Variants in WDFY3 observed in about 807,000 individuals in gnomAD.
WDFY3 encodes WD repeat and FYVE domain-containing protein 3.
Under a neutral mutation model 409.6 loss-of-function variants are expected in WDFY3, and 66 were observed. That is an observed-to-expected ratio of 0.16 (90% CI 0.13 to 0.20). The LOEUF (loss-of-function observed/expected upper bound fraction) is 0.20. Among genes scored for constraint, WDFY3 ranks in the 10% least tolerant of loss-of-function variants. The pLI, the probability that WDFY3 is intolerant of heterozygous loss-of-function variation, is 1.00. For missense variants in WDFY3, 3,031 were observed against 4,298.1 expected (o/e 0.71, Z 8.24); for synonymous variants, 1,521 against 1,537.1 (o/e 0.99, Z 0.25).
At chr4:84,835,458 A>G (rs928580275) in intron 7 of WDFY3, among the ~76,000 whole-genome samples, 2 of 152,206 alleles carry the variant, frequency 1.3e-5, no homozygotes, top group African/African-American at 4.8e-5. Context: ...ATTTGCTTAC[A>G]TAATCATTTT....
chr4:84,701,929 C>T (rs866885198), intron 56 of WDFY3, among the ~76,000 whole-genome samples: 1 of 152,292 alleles, frequency 6.6e-6, no homozygotes, highest in African/African-American at 2.4e-5. Flanking sequence ...TAATGGGTTT[C>T]AATAGTAATA....
chr4:84,670,509 G>A lies in WDFY3; in HGVS notation c.*2359C>T, dbSNP rs1021988186. On this transcript the variant is annotated 3_prime_UTR_variant, in exon 68 of 68. Coordinates refer to ENST00000295888, the MANE Select transcript of WDFY3 (RefSeq NM_014991.6). ...CAGCTGCCAGAGGAAATACTACCAT[G>A]AGGGTTTTGGTTTCCACCTTCTAGT... The A allele has an allele frequency of 7.2e-5, 11 of 152,704 alleles. No individual in the cohort carries two copies. The highest frequency in any genetic ancestry group is 2.7e-4 in the African/African-American group (11 of 41,478). The allele number at this position is 152,704 out of a possible 1,614,324, so 9.5% of individuals were successfully genotyped here. A position where few individuals can be genotyped will look rare whatever the true frequency, so the allele number is the denominator to read the frequency against.
chr4:84,956,297 C>G (rs1336475829), intron 1 of WDFY3, among the ~76,000 whole-genome samples: 1 of 152,252 alleles, frequency 6.6e-6, no homozygotes, highest in East Asian at 1.9e-4. Flanking sequence ...GCTTAAGAAA[C>G]TGAAGAAAGC....
chr4:84,746,162 A>G (rs1214559861), intron 36 of WDFY3, among the ~76,000 whole-genome samples: 5 of 151,486 alleles, frequency 3.3e-5, no homozygotes, highest in Non-Finnish European at 1.5e-5. Context: ...AAAAAAAAAA[A>G]AAAAAAATCT....
At chr4:84,733,238 A>T in intron 44 of WDFY3, 144 bp downstream of exon 44, 1 of 918,056 alleles carries the variant, frequency 1.1e-6, no homozygotes, top group Non-Finnish European at 1.7e-6. Flanking sequence ...CTCCACCTCC[A>T]CTCTGAAGTT....
At chr4:84,693,085 C>CAA in intron 58 of WDFY3, 53 bp from the exon 59 acceptor site, 1 of 1,537,300 alleles carries the variant, frequency 6.5e-7, no homozygotes, top group Non-Finnish European at 8.9e-7. Context: ...ACTTATAAGC[C>CAA]CTTTTATATG....
intron 35 of WDFY3, among the ~76,000 whole-genome samples, chr4:84,752,497 T>G (rs925064608): frequency 6.8e-6 from 1 of 146,038 alleles, no homozygotes; most frequent in South Asian, 2.1e-4. Context: ...ACCATTGCAC[T>G]CCAGCCGGGA....
intron 67 of WDFY3, among the ~76,000 whole-genome samples, chr4:84,675,346 G>A (rs1336055547): frequency 6.6e-6 from 1 of 152,146 alleles, no homozygotes; most frequent in African/African-American, 2.4e-5. Flanking sequence ...CACAGGAAAT[G>A]GCTGGCTGCA....
intron 51 of WDFY3, among the ~76,000 whole-genome samples, chr4:84,710,626 T>C (rs1216621822): frequency 6.6e-6 from 1 of 152,168 alleles, no homozygotes; most frequent in African/African-American, 2.4e-5. Context: ...TTTGGAAAAA[T>C]AGCCATGATC....
chr4:84,911,713 G>A (rs564777289), intron 2 of WDFY3, among the ~76,000 whole-genome samples: 1 of 152,134 alleles, frequency 6.6e-6, no homozygotes, highest in South Asian at 2.1e-4. Flanking sequence ...TAAGAAAAAA[G>A]TAAGTAGGTC....
intron 12 of WDFY3, 102 bp downstream of exon 12, chr4:84,819,983 T>G: frequency 1.8e-6 from 2 of 1,083,266 alleles, no homozygotes; most frequent in Non-Finnish European, 2.6e-6. Context: ...ATCAATAGTT[T>G]TTTCTCTAAA....
At chr4:84,773,849 T>C (rs995113168) in intron 29 of WDFY3, among the ~76,000 whole-genome samples, 2 of 152,012 alleles carry the variant, frequency 1.3e-5, no homozygotes, top group African/African-American at 2.4e-5. Flanking sequence ...GCCTCCCAAG[T>C]AGCTGGGATT....
chr4:84,714,013 G>A (rs543822116), intron 50 of WDFY3, among the ~76,000 whole-genome samples: 2 of 152,142 alleles, frequency 1.3e-5, no homozygotes, highest in African/African-American at 4.8e-5. Context: ...CTAATTGGGA[G>A]GCTGAGGCAG....
At chr4:84,914,401 G>A (rs1172269085) in intron 2 of WDFY3, among the ~76,000 whole-genome samples, 1 of 152,080 alleles carries the variant, frequency 6.6e-6, no homozygotes, top group Non-Finnish European at 1.5e-5. Context: ...GCAACAGTGT[G>A]AGACTCCGTC....
At position 84,809,874 on chromosome 4, in the gene WDFY3, A is replaced by G. The variant is rs1752200299; in HGVS notation, c.2345+13T>C. 6.2e-7 allele frequency: 1 copy of G among 1,612,056 alleles called. No individual in the cohort carries two copies. Among genetic ancestry groups the G allele is most frequent in the Non-Finnish European group, 8.5e-7 (1 of 1,178,770 alleles). Reference sequence around the variant, plus strand: ...ATACACCCTTTAATTCAGAGGACAGAGCAGAGCCATACCTGTCAAAAGAAT... The same window carrying G: ...ATACACCCTTTAATTCAGAGGACAGGGCAGAGCCATACCTGTCAAAAGAAT... On this transcript the variant is annotated intron_variant, in intron 14 of 67. Coordinates refer to ENST00000295888, the MANE Select transcript of WDFY3 (RefSeq NM_014991.6).
chr4:84,685,016 T>C (rs1489349228), intron 62 of WDFY3, among the ~76,000 whole-genome samples: 1 of 152,212 alleles, frequency 6.6e-6, no homozygotes, highest in African/African-American at 2.4e-5. Context: ...TTAAGTAACT[T>C]ATTTATCATC....
intron 39 of WDFY3, 97 bp downstream of exon 39, chr4:84,740,090 G>C: frequency 1.7e-6 from 2 of 1,199,070 alleles, no homozygotes; most frequent in East Asian, 4.9e-5. Context: ...AACAGAGTAA[G>C]GGTAAAAGAA....
At chr4:84,696,887 T>G in intron 56 of WDFY3, 64 bp from the exon 57 acceptor site, 3 of 1,404,724 alleles carry the variant, frequency 2.1e-6, no homozygotes, top group Non-Finnish European at 2.0e-6. Flanking sequence ...TAACTTTATA[T>G]TAATCTGACT....
At chr4:84,829,317 T>C (rs1021837090) in intron 8 of WDFY3, 127 bp from the exon 9 acceptor site, 7 of 763,060 alleles carry the variant, frequency 9.2e-6, no homozygotes, top group Non-Finnish European at 1.4e-5. Context: ...ATGAGATAAA[T>C]GTAACACATT....
Sources: gnomAD v4.1 joint callset for allele counts (sites outside exome capture counted in the v4.1 genomes callset) on GRCh38, gnomAD v4.1.1 for gene constraint, MANE v1.5 for transcripts, NCBI Gene and HGNC (gene_info 2026-07-23, HGNC 2026-07-21) for gene names.